The following NISCH variants were observed in gnomAD, a reference collection of about 807,000 sequenced individuals.
The protein encoded by NISCH is nischarin.
NISCH carries 55 observed loss-of-function variants against 138.4 expected under a neutral mutation model. The observed-to-expected ratio is 0.40, with a 90% CI of 0.32 to 0.50. The LOEUF is 0.50. NISCH is among the 20% of genes least tolerant of loss of function. The probability of loss-of-function intolerance (pLI) is 0.71; values close to 1 mark genes in which losing one functional copy is unlikely to be tolerated. For synonymous variants in NISCH, 860 were observed against 861.5 expected (o/e 1.00, Z 0.03); for missense variants, 1,643 against 2,005.5 (o/e 0.82, Z 3.45).
At position 52,477,589 on chromosome 3, in the gene NISCH, A is replaced by C; in HGVS notation, c.934A>C (p.Ile312Leu). 1 of 1,614,080 alleles carries C rather than the reference A, an allele frequency of 6.2e-7. No individual in the cohort carries two copies. Among genetic ancestry groups the C allele is most frequent in the Non-Finnish European group, 8.5e-7 (1 of 1,179,928 alleles). ...CTTTCACAAGAAACTGATCCCAAAG[A>C]TTGAGTTCCTGGACCTGAGTCACAA... Reference protein sequence around the residue: ...IDESVKLIPKIEFLDLSHNGL... With the variant: ...IDESVKLIPKLEFLDLSHNGL... Residue 312 changes from isoleucine to leucine, a missense_variant, in exon 9 of 21, where the codon ATT becomes CTT. Coordinates refer to ENST00000345716, the MANE Select transcript of NISCH (RefSeq NM_007184.4).
chr3:52,472,587 G>A (rs1374112332), intron 6 of NISCH, among the ~76,000 whole-genome samples, 189 bp downstream of exon 6: 1 of 152,248 alleles, frequency 6.6e-6, no homozygotes, highest in Admixed American at 6.5e-5. Context: ...TCCCTGGCTG[G>A]TCTGCACACA....
At position 52,487,886 on chromosome 3, in the gene NISCH, C is replaced by T. The variant is rs200281337; in HGVS notation, c.2394C>T (p.Ala798=). 221 of 1,612,286 alleles carry T rather than the reference C, an allele frequency of 1.4e-4. No individual in the cohort carries two copies. Among genetic ancestry groups the T allele is most frequent in the South Asian group, 4.9e-4 (45 of 91,046 alleles). Residue 798 remains alanine (A), a synonymous_variant, in exon 16 of 21, where the codon GCC becomes GCT. Coordinates refer to ENST00000345716, the MANE Select transcript of NISCH (RefSeq NM_007184.4). The surrounding 1 kb of genome is among the most constrained non-coding windows in gnomAD (Gnocchi z 9.1). Reference sequence around the variant, plus strand: ...CGCTCTTCATTATCTCGGACGCCGCCAACCTGCACGAGTTCCACGCGGACC... The same window carrying T: ...CGCTCTTCATTATCTCGGACGCCGCTAACCTGCACGAGTTCCACGCGGACC... ...ENTLFIISDA[A]NLHEFHADLR...
intron 6 of NISCH, among the ~76,000 whole-genome samples, chr3:52,472,885 GAA>G (rs1706992063): frequency 6.6e-6 from 1 of 152,236 alleles, no homozygotes; most frequent in South Asian, 2.1e-4. Context: ...TTTTTGAAAA[GAA>G]AAGTCAGTAA....
At chr3:52,478,621 A>T in intron 11 of NISCH, 44 bp downstream of exon 11, 1 of 1,587,166 alleles carries the variant, frequency 6.3e-7, no homozygotes, top group Non-Finnish European at 8.7e-7. Context: ...GACCTTCGGG[A>T]TGCAGTCAAG....
intron 8 of NISCH, 103 bp downstream of exon 8, chr3:52,476,702 A>T: frequency 8.5e-7 from 1 of 1,173,774 alleles, no homozygotes; most frequent in Non-Finnish European, 1.2e-6. Flanking sequence ...GAAAACCTAT[A>T]TCTAGTGCTC....
At chr3:52,489,753 G>C in intron 17 of NISCH, 75 bp downstream of exon 17, 2 of 1,550,634 alleles carry the variant, frequency 1.3e-6, no homozygotes, top group African/African-American at 1.4e-5. Context: ...CTTCAGGTCA[G>C]CCTCAGGTCC....
intron 3 of NISCH, among the ~76,000 whole-genome samples, chr3:52,469,687 G>A (rs1706885606): frequency 6.6e-6 from 1 of 152,122 alleles, no homozygotes; most frequent in Non-Finnish European, 1.5e-5. Context: ...GCTGAGGCAG[G>A]GTGGATAACT....
At chr3:52,484,462 T>TGGGGGG in intron 13 of NISCH, 51 bp from the exon 14 acceptor site, 40 of 788,666 alleles carry the variant, frequency 5.1e-5, no homozygotes, top group Non-Finnish European at 6.9e-5. Context: ...ACAGCCGCTC[T>TGGGGGG]CCCCGCCCCA....
At chr3:52,485,650 C>T (rs1207329623) in intron 14 of NISCH, 128 bp from the exon 15 acceptor site, 17 of 1,011,844 alleles carry the variant, frequency 1.7e-5, no homozygotes, top group Admixed American at 1.2e-4. Flanking sequence ...CAGGGTACAG[C>T]GTGGGGATGG....
intron 3 of NISCH, among the ~76,000 whole-genome samples, chr3:52,467,547 C>G (rs1321078554): frequency 6.6e-6 from 1 of 152,196 alleles, no homozygotes; most frequent in Middle Eastern, 3.2e-3. Context: ...GTGCTCTTCT[C>G]TGGTTCAGTC....
chr3:52,475,383 TG>T (rs1707072126), intron 7 of NISCH, among the ~76,000 whole-genome samples: 1 of 152,210 alleles, frequency 6.6e-6, no homozygotes, highest in South Asian at 2.1e-4. Context: ...TGATGGTCTC[TG>T]GGCTTTGTGC....
At chr3:52,484,462 T>TCACCCC in intron 13 of NISCH, 51 bp from the exon 14 acceptor site, 1 of 788,670 alleles carries the variant, frequency 1.3e-6, no homozygotes, top group South Asian at 2.1e-5. Flanking sequence ...ACAGCCGCTC[T>TCACCCC]CCCCGCCCCA....
chr3:52,488,734 C>A, intron 16 of NISCH, 129 bp downstream of exon 16: 2 of 764,984 alleles, frequency 2.6e-6, no homozygotes, highest in Admixed American at 2.9e-5. Flanking sequence ...CTGCCCCTCG[C>A]CCCCCCCGGG....
rs1461413344 is a variant in NISCH, at chr3:52,492,359, C to T, written c.4392C>T (p.Gly1464=). The T allele has an allele frequency of 6.2e-7, 1 of 1,613,412 alleles. No homozygotes were observed. Among genetic ancestry groups the T allele is most frequent in the Non-Finnish European group, 8.5e-7 (1 of 1,180,036 alleles). Residue 1464 remains glycine, a synonymous_variant, in exon 21 of 21, where the codon GGC becomes GGT. Coordinates refer to ENST00000345716, the MANE Select transcript of NISCH (RefSeq NM_007184.4). ...GTGGCCCGGCTAGAGCCAGCCAGGG[C>T]CGTGAAGTCCAGTGGCAGGTGTTTG... ...VPGGPARASQ[G]REVQWQVFVP...
In NISCH at chr3:52,458,013, CAA is replaced by C. The variant is rs1706524349; in HGVS notation, c.177+90_177+91del. ...ATTGTGCCACATATTAGTTTTAGGG[CAA>C]AACAGGTTCCATCTCTATAGTTCTT... On this transcript the variant is annotated intron_variant, in intron 2 of 20. Transcript: ENST00000345716. 1.1e-5 allele frequency: 11 copies of C among 963,798 alleles called. No homozygotes were observed. In the East Asian group the frequency reaches 2.7e-4, roughly 23 times the overall value. 59.7% of individuals were successfully genotyped at this position (963,798 alleles called of 1,614,324 possible). A position where few individuals can be genotyped will look rare whatever the true frequency, so the allele number is the denominator to read the frequency against.
At chr3:52,469,786 A>G (rs1462276727) in intron 3 of NISCH, among the ~76,000 whole-genome samples, 1 of 152,128 alleles carries the variant, frequency 6.6e-6, no homozygotes, top group East Asian at 1.9e-4. Context: ...ATCTTGGCAC[A>G]TGCCTGTACT....
chr3:52,458,149 T>C (rs1420270304), intron 2 of NISCH, among the ~76,000 whole-genome samples: 1 of 152,250 alleles, frequency 6.6e-6, no homozygotes, highest in African/African-American at 2.4e-5. Flanking sequence ...AATTTCAGTT[T>C]TAATATTTCC....
chr3:52,488,942 G>A, intron 16 of NISCH, among the ~76,000 whole-genome samples: 1 of 152,208 alleles, frequency 6.6e-6, no homozygotes, highest in East Asian at 1.9e-4. Context: ...ACCGAGGCCA[G>A]GAGAGCTGTC....
chr3:52,488,591 C>G lies in NISCH; in HGVS notation c.3099C>G (p.Ala1033=). 3 of 1,610,258 alleles carry G rather than the reference C, an allele frequency of 1.9e-6. No individual in the cohort carries two copies. Among genetic ancestry groups the G allele is most frequent in the Non-Finnish European group, 2.5e-6 (3 of 1,178,486 alleles). Reference sequence around the variant, plus strand: ...GCTCCTTTGCGGATGGCCAGCCTGCCGAGCGCAGGGCCAGGTGAGATCAAG... The same window carrying G: ...GCTCCTTTGCGGATGGCCAGCCTGCGGAGCGCAGGGCCAGGTGAGATCAAG... ...PQGSFADGQP[A]ERRASNDQRP... is the part of the protein sequence containing the mutation. Residue 1033 remains alanine, a synonymous_variant, in exon 16 of 21, where the codon GCC becomes GCG. Transcript: ENST00000345716.
Sources: gnomAD v4.1 joint callset for allele counts (sites outside exome capture counted in the v4.1 genomes callset) on GRCh38, gnomAD v4.1.1 for gene constraint, Gnocchi (gnomAD v3.1) non-coding constraint, MANE v1.5 for transcripts, NCBI Gene and HGNC (gene_info 2026-07-23, HGNC 2026-07-21) for gene names.